The following ARL13A variants were observed in gnomAD, a reference collection of about 807,000 sequenced individuals.
ARL13A encodes the protein ADP-ribosylation factor-like protein 13A.
ARL13A carries 16 observed loss-of-function variants against 19.1 expected under a neutral mutation model. The ratio of observed to expected loss-of-function variants is 0.84; its 90% confidence interval spans 0.57 to 1.27. The LOEUF is 1.27. ARL13A is among the 50% of genes most tolerant of loss of function. The pLI is 0.00. For missense variants in ARL13A, 153 were observed against 186.4 expected (o/e 0.82, Z 1.04); for synonymous variants, 69 against 71.3 (o/e 0.97, Z 0.17).
At chrX:100,970,826 C>A (rs939613562) in intron 1 of ARL13A, among the ~76,000 whole-genome samples, 1 of 111,567 alleles carries the variant, frequency 9.0e-6, no homozygotes, top group African/African-American at 3.3e-5. Flanking sequence ...ACCTACCTCA[C>A]ACCCACTAGG....
chrX:100,988,164 C>T (rs968031489), intron 6 of ARL13A, 29 bp from the exon 7 acceptor site: 9 of 1,142,291 alleles, frequency 7.9e-6, no homozygotes, highest in Non-Finnish European at 1.1e-5. Flanking sequence ...TCCGTTTCTA[C>T]TACTGCTGTC....
chrX:100,979,140 G>T (rs1422000020), intron 3 of ARL13A, among the ~76,000 whole-genome samples: 1 of 111,769 alleles, frequency 8.9e-6, no homozygotes, highest in Non-Finnish European at 1.9e-5. Context: ...TTGTACTCAA[G>T]CTATGAGTAG....
chrX:100,977,616 G>C (rs948579471), intron 3 of ARL13A, among the ~76,000 whole-genome samples: 13 of 110,892 alleles, frequency 1.2e-4, no homozygotes, highest in African/African-American at 3.9e-4. Flanking sequence ...CCTGACATCA[G>C]GTGATCTGCC....
In ARL13A at chrX:100,974,157, C is replaced by G; in HGVS notation, c.90C>G (p.Asn30Lys). Residue 30 changes from asparagine to lysine, a missense_variant, in exon 3 of 8, where the codon AAC becomes AAG. By Grantham distance (94) the Asn-to-Lys change is moderately conservative. Coordinates refer to ENST00000450049, the MANE Select transcript of ARL13A (RefSeq NM_001162491.2). ...RNVTIPIIGL[N>K]NSGKTVLVEA... The stretch of plus-strand genomic sequence containing the variant: ...TGACCATCCCTATCATTGGCTTGAA[C>G]AACTCTGGCAAAACTGTTCTTGTGG... The G allele has an allele frequency of 8.4e-7, 1 of 1,191,791 alleles. No homozygotes were observed. The highest frequency in any genetic ancestry group is 1.7e-5 in the African/African-American group (1 of 57,233).
chrX:100,976,845 G>A (rs2085770189), intron 3 of ARL13A, among the ~76,000 whole-genome samples: 1 of 112,447 alleles, frequency 8.9e-6, no homozygotes, highest in African/African-American at 3.2e-5. Flanking sequence ...TGATCCACCC[G>A]CCTTGGCCTC....
chrX:100,987,407 C>T lies in ARL13A; in HGVS notation c.504C>T (p.Ile168=). ...TGTCACAGGAGCCATGTTCAGCCATCAGAAACCTTGAAAGAAGAAACCATC... is the reference window on the plus strand; with the variant it reads ...TGTCACAGGAGCCATGTTCAGCCATTAGAAACCTTGAAAGAAGAAACCATC... The part of the protein sequence containing the change: ...CPCRVEPCSA[I]RNLERRNHQP... Residue 168 remains isoleucine (I), a synonymous_variant, in exon 6 of 8, where the codon ATC becomes ATT. Transcript: ENST00000450049. The T allele has an allele frequency of 8.3e-7, 1 of 1,210,703 alleles. No homozygotes were observed. Among genetic ancestry groups the T allele is most frequent in the African/African-American group, 1.7e-5 (1 of 57,695 alleles).
Position 100,986,901 on chromosome X carries a change from A to G in ARL13A, c.486A>G (p.Val162=). 5 of 1,155,969 alleles carry G rather than the reference A, an allele frequency of 4.3e-6. No individual in the cohort carries two copies. In the South Asian group the frequency reaches 5.7e-5, roughly 13 times the overall value. Residue 162 remains valine, a splice_region_variant and synonymous_variant, in exon 5 of 8, where the codon GTA becomes GTG. Coordinates refer to ENST00000450049, the MANE Select transcript of ARL13A (RefSeq NM_001162491.2). The part of the protein sequence containing the change: ...LVKENKCPCR[V]EPCSAIRNLE... ...AAGAGAATAAGTGCCCATGCCGAGT[A>G]GTAAGTGTCAACCTCTTCCTTCCCT... is the stretch of plus-strand genomic sequence containing the variant.
At chrX:100,982,112 A>G (rs2085865751) in intron 3 of ARL13A, among the ~76,000 whole-genome samples, 1 of 111,099 alleles carries the variant, frequency 9.0e-6, no homozygotes, top group Admixed American at 9.7e-5. Flanking sequence ...CTGGCTATAT[A>G]TTTCAATCAG....
At chrX:100,973,571 C>A in intron 1 of ARL13A, 105 bp from the exon 2 acceptor site, 1 of 954,176 alleles carries the variant, frequency 1.0e-6, no homozygotes, top group East Asian at 3.2e-5. Flanking sequence ...TCTAACAATC[C>A]CAGGCTTTCT....
At chrX:100,970,225 C>T (rs2085638380) in intron 1 of ARL13A, among the ~76,000 whole-genome samples, 1 of 112,662 alleles carries the variant, frequency 8.9e-6, no homozygotes, top group Non-Finnish European at 1.9e-5. Flanking sequence ...GTTTTGATCA[C>T]AGGCCATATA....
In ARL13A at chrX:100,990,802, C is replaced by A; in HGVS notation, c.*214C>A. On this transcript the variant is annotated 3_prime_UTR_variant, in exon 8 of 8. Coordinates refer to ENST00000450049, the MANE Select transcript of ARL13A (RefSeq NM_001162491.2). ...AGGTTCTTAGGCAGAAAAGGATTGG[C>A]AAAAATAAATAGAACTTCTTTGCTG... The A allele has an allele frequency of 2.6e-6, 1 of 382,241 alleles. No homozygotes were observed. The highest frequency in any genetic ancestry group is 4.6e-6 in the Non-Finnish European group (1 of 216,957). 31.5% of individuals were successfully genotyped at this position (382,241 alleles called of 1,213,427 possible).
In ARL13A at chrX:100,990,800, G is replaced by T; in HGVS notation, c.*212G>T. The T allele has an allele frequency of 2.6e-6, 1 of 383,356 alleles. No individual in the cohort carries two copies. 31.6% of individuals were successfully genotyped at this position (383,356 alleles called of 1,213,427 possible). Reference sequence around the variant, plus strand: ...TAAGGTTCTTAGGCAGAAAAGGATTGGCAAAAATAAATAGAACTTCTTTGC... The same window carrying T: ...TAAGGTTCTTAGGCAGAAAAGGATTTGCAAAAATAAATAGAACTTCTTTGC... On this transcript the variant is annotated 3_prime_UTR_variant, in exon 8 of 8. Transcript: ENST00000450049.
chrX:100,973,761 T>C lies in ARL13A; in HGVS notation c.59+13T>C, dbSNP rs1450446336. ...AAGAGACACGAAGGTAATATTACAA[T>C]TATTTCCCTAGGCCTATTCCACTAT... On this transcript the variant is annotated intron_variant, in intron 2 of 7. Transcript: ENST00000450049. The C allele has an allele frequency of 8.3e-7, 1 of 1,206,296 alleles. No individual in the cohort carries two copies. The highest frequency in any genetic ancestry group is 1.1e-6 in the Non-Finnish European group (1 of 890,590).
chrX:100,978,917 T>A (rs1201484220), intron 3 of ARL13A, among the ~76,000 whole-genome samples: 1 of 111,138 alleles, frequency 9.0e-6, no homozygotes, highest in African/African-American at 3.3e-5. Context: ...CATTTTTTTT[T>A]AATATTCACC....
At chrX:100,981,152 G>A (rs1456340388) in intron 3 of ARL13A, among the ~76,000 whole-genome samples, 1 of 111,431 alleles carries the variant, frequency 9.0e-6, no homozygotes, top group Non-Finnish European at 1.9e-5. Context: ...TCCAGGAACC[G>A]CAGTCCTTGT....
intron 4 of ARL13A, 128 bp from the exon 5 acceptor site, chrX:100,986,668 A>G (rs1472422160): frequency 6.8e-6 from 3 of 440,181 alleles, no homozygotes; most frequent in Admixed American, 8.6e-5. Context: ...CTTTAAACCT[A>G]ATTCCTGGAT....
At chrX:100,970,546 G>A (rs755121981) in intron 1 of ARL13A, among the ~76,000 whole-genome samples, 25 of 112,152 alleles carry the variant, frequency 2.2e-4, no homozygotes, top group Admixed American at 1.4e-3. Flanking sequence ...ACATACAGTC[G>A]TCCCTCAGTA....
intron 3 of ARL13A, among the ~76,000 whole-genome samples, chrX:100,978,405 A>G (rs943594030): frequency 1.8e-4 from 20 of 111,704 alleles, no homozygotes; most frequent in African/African-American, 5.8e-4. Context: ...GGGTGCATAT[A>G]TAATTGTTAT....
intron 3 of ARL13A, among the ~76,000 whole-genome samples, chrX:100,976,428 C>T (rs1204277077): frequency 1.8e-5 from 2 of 110,919 alleles, no homozygotes; most frequent in East Asian, 5.7e-4. Context: ...ATTCATAAAT[C>T]TATTGGTTGT....
Sources: gnomAD v4.1 joint callset for allele counts (sites outside exome capture counted in the v4.1 genomes callset) on GRCh38, gnomAD v4.1.1 for gene constraint, MANE v1.5 for transcripts, NCBI Gene and HGNC (gene_info 2026-07-23, HGNC 2026-07-21) for gene names.